The following CACNA1C variants were observed in gnomAD, a reference collection of about 807,000 sequenced individuals.
CACNA1C encodes voltage-dependent L-type calcium channel subunit alpha-1C.
A neutral mutation model predicts 229.0 loss-of-function variants in CACNA1C; 30 were observed. The observed-to-expected ratio is 0.13, with a 90% CI of 0.10 to 0.18. CACNA1C has a LOEUF of 0.18. CACNA1C is among the 10% of genes least tolerant of loss of function. The probability of loss-of-function intolerance (pLI) is 1.00; values close to 1 mark genes in which losing one functional copy is unlikely to be tolerated. For synonymous variants in CACNA1C, 1,114 were observed against 1,132.5 expected, an observed-to-expected ratio of 0.98 and a Z score of 0.33; for missense variants, 1,658 against 2,845.0, an observed-to-expected ratio of 0.58 and a Z score of 9.49.
intron 9 of CACNA1C, among the ~76,000 whole-genome samples, chr12:2,514,698 T>C (rs2099792472): frequency 6.6e-6 from 1 of 152,122 alleles, no homozygotes; most frequent in Non-Finnish European, 1.5e-5. Flanking sequence ...AGCATTTCTG[T>C]AGCGCGTGTT....
At chr12:2,547,888 C>T (rs1389951405) in intron 9 of CACNA1C, among the ~76,000 whole-genome samples, 2 of 152,120 alleles carry the variant, frequency 1.3e-5, no homozygotes, top group African/African-American at 4.8e-5. Flanking sequence ...TTTCCAGTGC[C>T]CAGGCCTGCC....
chr12:2,564,894 A>G (rs1469420433), intron 11 of CACNA1C, among the ~76,000 whole-genome samples: 4 of 151,920 alleles, frequency 2.6e-5, no homozygotes, highest in Admixed American at 2.6e-4. Flanking sequence ...TTCCAATCCA[A>G]CCTGATCATG....
intron 3 of CACNA1C, among the ~76,000 whole-genome samples, chr12:2,425,715 C>T (rs796850209): frequency 3.6e-4 from 55 of 152,252 alleles, no homozygotes; most frequent in African/African-American, 1.3e-3. Flanking sequence ...ATTTGCAATG[C>T]TAAGCTTTTT....
At chr12:2,313,441 G>T (rs2095536251) in intron 3 of CACNA1C, among the ~76,000 whole-genome samples, 1 of 152,168 alleles carries the variant, frequency 6.6e-6, no homozygotes, top group Non-Finnish European at 1.5e-5. Context: ...CCCTCTGGTA[G>T]GACACGAATC....
intron 5 of CACNA1C, among the ~76,000 whole-genome samples, chr12:2,474,781 GAAAAAGAA>G (rs930328443): frequency 3.4e-5 from 5 of 147,820 alleles, no homozygotes; most frequent in African/African-American, 1.2e-4. Flanking sequence ...AAGAAAGAAA[GAAAAAGAA>G]AAAAAGAAAT....
At chr12:2,506,839 C>A (rs1305845670) in intron 8 of CACNA1C, among the ~76,000 whole-genome samples, 1 of 152,142 alleles carries the variant, frequency 6.6e-6, no homozygotes, top group African/African-American at 2.4e-5. Context: ...AGACTGGGAA[C>A]CAAATCTGAG....
chr12:2,084,435 C>G (rs2066800054), intron 1 of CACNA1C, among the ~76,000 whole-genome samples: 1 of 152,222 alleles, frequency 6.6e-6, no homozygotes, highest in Non-Finnish European at 1.5e-5. Context: ...ACTTCATTTT[C>G]TTATAGCCCT....
chr12:2,035,769 C>G (rs2049031227), intron 1 of CACNA1C, among the ~76,000 whole-genome samples: 1 of 152,246 alleles, frequency 6.6e-6, no homozygotes, highest in Non-Finnish European at 1.5e-5. Context: ...CCATCTCAGA[C>G]AGATGGTTAA....
chr12:2,280,966 C>T (rs77577013), intron 3 of CACNA1C, among the ~76,000 whole-genome samples: 8,003 of 152,290 alleles, frequency 0.053, 260 homozygotes, highest in African/African-American at 0.077. Context: ...TAGTATACAT[C>T]CTTTTTTTAT....
chr12:2,686,086 C>T, intron 44 of CACNA1C, 80 bp from the exon 45 acceptor site: 2 of 1,153,142 alleles, frequency 1.7e-6, no homozygotes, highest in South Asian at 2.4e-5. Context: ...CTGCTCCTGG[C>T]ACCCCACCAG....
At chr12:2,415,733 C>T (rs778524915) in intron 3 of CACNA1C, among the ~76,000 whole-genome samples, 1 of 152,080 alleles carries the variant, frequency 6.6e-6, no homozygotes, top group Admixed American at 6.5e-5. Context: ...CTGAGCTTGG[C>T]GGCTCTCATT....
chr12:2,536,599 T>G (rs141210974), intron 9 of CACNA1C, among the ~76,000 whole-genome samples: 1,812 of 152,010 alleles, frequency 0.012, 53 homozygotes, highest in African/African-American at 0.042. Flanking sequence ...AAGGCTGAGG[T>G]GGGAAGATTG....
At chr12:2,425,231 A>C (rs1282534436) in intron 3 of CACNA1C, among the ~76,000 whole-genome samples, 1 of 152,272 alleles carries the variant, frequency 6.6e-6, no homozygotes, top group Non-Finnish European at 1.5e-5. Flanking sequence ...TTGTAGACAA[A>C]ATTTGACAGT....
chr12:2,641,843 A>G lies in CACNA1C; in HGVS notation c.3913-6632A>G, dbSNP rs2239125. On this transcript the variant is annotated intron_variant, in intron 30 of 46. Transcript: ENST00000399655. Reference sequence around the variant, plus strand: ...CATCCCCCCACAAAGGCTGTTTTCTACTCTGCTTAAGAGTATGGCTGGCCC... The same window carrying G: ...CATCCCCCCACAAAGGCTGTTTTCTGCTCTGCTTAAGAGTATGGCTGGCCC... 50,617 of 699,542 alleles carry G rather than the reference A, an allele frequency of 0.072. 2,462 individuals are homozygous for G. The highest frequency in any genetic ancestry group is 0.18 in the East Asian group (6,747 of 37,238). 43.3% of individuals were successfully genotyped at this position (699,542 alleles called of 1,614,324 possible).
At chr12:2,553,220 G>A (rs910609477) in intron 10 of CACNA1C, among the ~76,000 whole-genome samples, 1 of 152,186 alleles carries the variant, frequency 6.6e-6, no homozygotes, top group African/African-American at 2.4e-5. Flanking sequence ...TGACATCTCT[G>A]CAGAGGCTGG....
At chr12:2,286,395 C>T (rs766327348) in intron 3 of CACNA1C, among the ~76,000 whole-genome samples, 3 of 152,230 alleles carry the variant, frequency 2.0e-5, no homozygotes, top group East Asian at 1.9e-4. Flanking sequence ...GAAAGTGGAG[C>T]GAGCGGGTGA....
intron 29 of CACNA1C, among the ~76,000 whole-genome samples, chr12:2,626,465 G>T (rs2086618247): frequency 6.6e-6 from 1 of 152,204 alleles, no homozygotes; most frequent in Admixed American, 6.5e-5. Context: ...AGGAGAGATT[G>T]CTCCTCCTTG....
intron 3 of CACNA1C, among the ~76,000 whole-genome samples, chr12:2,392,519 G>A (rs1307345847): frequency 6.6e-6 from 1 of 152,094 alleles, no homozygotes; most frequent in South Asian, 2.1e-4. Flanking sequence ...ATCAGCCGGG[G>A]GTGGGTTTCT....
chr12:1,985,636 G>C (rs2037474559), intron 1 of CACNA1C, among the ~76,000 whole-genome samples: 1 of 152,126 alleles, frequency 6.6e-6, no homozygotes, highest in African/African-American at 2.4e-5. Context: ...TTCCTGGCTA[G>C]TAATTTTGGA....
Sources: gnomAD v4.1 joint callset for allele counts (sites outside exome capture counted in the v4.1 genomes callset) on GRCh38, gnomAD v4.1.1 for gene constraint, MANE v1.5 for transcripts, NCBI Gene and HGNC (gene_info 2026-07-23, HGNC 2026-07-21) for gene names.